C12orf75: variants seen among roughly 807,000 people sequenced by gnomAD.
C12orf75 encodes the protein chromosome 12 open reading frame 75, also known as overexpressed in colon carcinoma 1 protein.
C12orf75 carries 4 observed loss-of-function variants against 11.4 expected under a neutral mutation model. That is an observed-to-expected ratio of 0.35 (90% confidence interval 0.17 to 0.80). C12orf75 has a LOEUF of 0.80. Ranked by LOEUF, C12orf75 falls within the 30% of genes least tolerant of loss-of-function variation. The pLI is 0.52. For synonymous variants in C12orf75, 30 were observed against 30.0 expected (o/e 1.00, Z 0.00); for missense variants, 89 against 80.4 (o/e 1.11, Z -0.41).
intron 2 of C12orf75, among the ~76,000 whole-genome samples, chr12:105,355,751 T>G (rs1455600994): frequency 6.6e-6 from 1 of 152,166 alleles, no homozygotes; most frequent in Non-Finnish European, 1.5e-5. Context: ...AAAGCCAAAT[T>G]TCTTAAGGTA....
At chr12:105,337,983 G>T (rs1892517606) in intron 1 of C12orf75, among the ~76,000 whole-genome samples, 1 of 151,998 alleles carries the variant, frequency 6.6e-6, no homozygotes, top group Non-Finnish European at 1.5e-5. Flanking sequence ...AAAAACCTAT[G>T]AAATTAAAAG....
intron 2 of C12orf75, among the ~76,000 whole-genome samples, chr12:105,354,641 T>C (rs1892752594): frequency 6.6e-6 from 1 of 152,314 alleles, no homozygotes; most frequent in Non-Finnish European, 1.5e-5. Flanking sequence ...ACATGAATAC[T>C]TGATGGCAGA....
intron 2 of C12orf75, among the ~76,000 whole-genome samples, chr12:105,362,483 TG>T (rs1352831514): frequency 2.1e-5 from 3 of 142,682 alleles, no homozygotes; most frequent in Non-Finnish European, 4.5e-5. Context: ...CTGGCTAACA[TG>T]GTGAAACCTC....
At chr12:105,352,161 T>C (rs1383441623) in intron 2 of C12orf75, among the ~76,000 whole-genome samples, 1 of 152,176 alleles carries the variant, frequency 6.6e-6, no homozygotes, top group African/African-American at 2.4e-5. Context: ...AGGGAAGCGA[T>C]GGCTGATAGT....
chr12:105,360,181 G>A (rs1009218815), intron 2 of C12orf75, among the ~76,000 whole-genome samples: 1 of 152,206 alleles, frequency 6.6e-6, no homozygotes, highest in East Asian at 1.9e-4. Flanking sequence ...ATTCTCACAA[G>A]GCTGGGGAGG....
intron 1 of C12orf75, among the ~76,000 whole-genome samples, 163 bp downstream of exon 1, chr12:105,331,100 A>G (rs936180940): frequency 6.6e-6 from 1 of 151,532 alleles, no homozygotes; most frequent in East Asian, 2.0e-4. Context: ...AAGCGTGGCA[A>G]GTCCCCCGCG....
At chr12:105,364,109 T>C (rs913487423) in intron 2 of C12orf75, among the ~76,000 whole-genome samples, 21 of 152,240 alleles carry the variant, frequency 1.4e-4, no homozygotes, top group African/African-American at 5.1e-4. Context: ...CTACCAGTTA[T>C]ATACAGATTC....
intron 1 of C12orf75, among the ~76,000 whole-genome samples, chr12:105,347,226 T>A (rs1212062007): frequency 2.6e-5 from 4 of 152,176 alleles, no homozygotes; most frequent in African/African-American, 9.7e-5. Flanking sequence ...TTTTGTCACA[T>A]GGGTGGTGTA....
intron 2 of C12orf75, among the ~76,000 whole-genome samples, chr12:105,351,715 G>A (rs768809138): frequency 1.7e-4 from 26 of 152,312 alleles, no homozygotes; most frequent in Non-Finnish European, 3.2e-4. Context: ...GAGGACAGTA[G>A]GTCTGGGACC....
intron 2 of C12orf75, among the ~76,000 whole-genome samples, chr12:105,361,598 G>T (rs894388297): frequency 5.9e-5 from 9 of 152,132 alleles, no homozygotes; most frequent in African/African-American, 2.2e-4. Context: ...TGAGGCAATC[G>T]CATTGGCCTG....
intron 2 of C12orf75, among the ~76,000 whole-genome samples, chr12:105,362,937 C>A (rs1238463849): frequency 6.6e-6 from 1 of 152,240 alleles, no homozygotes; most frequent in Non-Finnish European, 1.5e-5. Context: ...AGTATAGTTA[C>A]ACAATCAGGT....
chr12:105,363,880 A>G (rs1337256297), intron 2 of C12orf75, among the ~76,000 whole-genome samples: 4 of 152,234 alleles, frequency 2.6e-5, no homozygotes, highest in Admixed American at 2.6e-4. Flanking sequence ...GTTGTTGATT[A>G]ATTTTATAAT....
intron 2 of C12orf75, among the ~76,000 whole-genome samples, chr12:105,354,822 T>C (rs1181549356): frequency 6.6e-6 from 1 of 152,116 alleles, no homozygotes; most frequent in Non-Finnish European, 1.5e-5. Flanking sequence ...CAGCAAGTGC[T>C]GCAGAAATAC....
intron 1 of C12orf75, among the ~76,000 whole-genome samples, chr12:105,340,120 A>G (rs1892549151): frequency 6.6e-6 from 1 of 152,074 alleles, no homozygotes. Flanking sequence ...TATTGTGTCC[A>G]TCTACTTAAA....
chr12:105,334,410 A>G (rs1892475002), intron 1 of C12orf75, among the ~76,000 whole-genome samples: 1 of 152,254 alleles, frequency 6.6e-6, no homozygotes, highest in African/African-American at 2.4e-5. Flanking sequence ...ATATTGAATG[A>G]CACAGTTAAA....
In C12orf75 at chr12:105,363,774, A is replaced by AT. The variant is rs931462737; in HGVS notation, c.72-2025dup. ...CATCTTATAAGTCTTTATAGGTAGTATTTTTTTTAAGATTTGGCATTATAT... is the reference window on the plus strand; with the variant it reads ...CATCTTATAAGTCTTTATAGGTAGTATTTTTTTTTAAGATTTGGCATTATAT... On this transcript the variant is annotated intron_variant, in intron 2 of 5. Transcript: ENST00000443585. Among the ~76,000 whole-genome samples, 99 of 151,786 alleles carry AT rather than the reference A, an allele frequency of 6.5e-4. 1 individual carries two copies. Among genetic ancestry groups the AT allele is most frequent in the South Asian group, 3.1e-3 (15 of 4,806 alleles).
intron 2 of C12orf75, 43 bp downstream of exon 2, chr12:105,348,669 G>A (rs1892672110): frequency 7.1e-7 from 1 of 1,408,642 alleles, no homozygotes; most frequent in South Asian, 1.3e-5. Flanking sequence ...GTCTTTCTGA[G>A]GAAGTTGCTG....
rs1267338771 is a variant in C12orf75 at position 105,330,920 on chromosome 12, G to A, written c.29G>A (p.Ser10Asn). The A allele has an allele frequency of 1.2e-5, 15 of 1,240,618 alleles. No homozygotes were observed. Among genetic ancestry groups the A allele is most frequent in the Non-Finnish European group, 1.5e-5 (15 of 994,422 alleles). The allele number at this position is 1,240,618 out of a possible 1,614,324, so 76.9% of individuals were successfully genotyped here. The change falls in exon 1 of 6, where the codon AGC becomes AAC. Residue 10 changes from serine to asparagine, a missense_variant. By Grantham distance (46) the Ser-to-Asn change is conservative. Transcript: ENST00000443585. MGCGNSTAT[S>N]AGAGQGPAGA... ...GGCTGCGGGAACTCCACCGCCACCAGCGCGGGCGCGGGCCAAGGTGAGTCC... is the reference window on the plus strand; with the variant it reads ...GGCTGCGGGAACTCCACCGCCACCAACGCGGGCGCGGGCCAAGGTGAGTCC...
chr12:105,355,189 T>TTTTTTTTC (rs1555265699), intron 2 of C12orf75, among the ~76,000 whole-genome samples: 40 of 139,546 alleles, frequency 2.9e-4, no homozygotes, highest in East Asian at 1.3e-3. Flanking sequence ...TCTTTTTTTT[T>TTTTTTTTC]TTCAGAGTTT....
Sources: allele counts gnomAD v4.1 joint callset (sites outside exome capture counted in the v4.1 genomes callset), GRCh38; gene constraint gnomAD v4.1.1; transcripts MANE v1.5; gene names NCBI Gene and HGNC (gene_info 2026-07-23, HGNC 2026-07-21).